The following ADAMTS16 variants were observed in gnomAD, a reference collection of about 807,000 sequenced individuals.
ADAMTS16 encodes A disintegrin and metalloproteinase with thrombospondin motifs 16.
A neutral mutation model predicts 145.8 loss-of-function variants in ADAMTS16; 94 were observed. That is an observed-to-expected ratio of 0.64 (90% CI 0.55 to 0.77). The LOEUF is 0.77. ADAMTS16 is among the 30% of genes least tolerant of loss of function. The probability of loss-of-function intolerance (pLI) is 0.00; values close to 1 mark genes in which losing one functional copy is unlikely to be tolerated. For missense variants in ADAMTS16, 1,585 were observed against 1,591.5 expected, an observed-to-expected ratio of 1.00 and a Z score of 0.07; for synonymous variants, 659 against 604.3, an observed-to-expected ratio of 1.09 and a Z score of -1.33.
chr5:5,273,343 GA>G, intron 18 of ADAMTS16, among the ~76,000 whole-genome samples: 1 of 152,200 alleles, frequency 6.6e-6, no homozygotes, highest in Non-Finnish European at 1.5e-5. Flanking sequence ...GCAACATGGT[GA>G]AACTTCAGCT....
At chr5:5,229,290 G>A (rs1279216833) in intron 11 of ADAMTS16, among the ~76,000 whole-genome samples, 1 of 122,550 alleles carries the variant, frequency 8.2e-6, no homozygotes, top group Non-Finnish European at 1.6e-5. Flanking sequence ...GGGCGACAGA[G>A]CGAGACTCCG....
In ADAMTS16 at chr5:5,239,727, C is replaced by T; in HGVS notation, c.2325C>T (p.Arg775=). ...TTCCTTCTGGAGCCCGGAGTATCCG[C>T]ATCTATGAAATGAACGTCTCTACCT... ...VTIPSGARSI[R]IYEMNVSTSY... The change falls in exon 16 of 23, where the codon CGC becomes CGT. Residue 775 remains arginine (R), a synonymous_variant. Coordinates refer to ENST00000274181, the MANE Select transcript of ADAMTS16 (RefSeq NM_139056.4). 1 of 1,614,132 alleles carries T rather than the reference C, an allele frequency of 6.2e-7. No homozygotes were observed. The highest frequency in any genetic ancestry group is 8.5e-7 in the Non-Finnish European group (1 of 1,180,014).
At chr5:5,189,513 G>A (rs1445877413) in intron 6 of ADAMTS16, among the ~76,000 whole-genome samples, 1 of 152,132 alleles carries the variant, frequency 6.6e-6, no homozygotes, top group Non-Finnish European at 1.5e-5. Context: ...ATAATAATAA[G>A]TATTAAAAGA....
rs778967933 is a variant in ADAMTS16 at position 5,303,791 on chromosome 5, C to A, written c.3186+25C>A. 27 of 1,607,524 alleles carry A rather than the reference C, an allele frequency of 1.7e-5. No homozygotes were observed. In the East Asian group the frequency reaches 5.4e-4, roughly 32 times the overall value. ...GGTAGGTGCACTGGTCTCGCGGGAG[C>A]GAGGTTGACTAGCTCTCCCCTCGGG... On this transcript the variant is annotated intron_variant, in intron 20 of 22. Coordinates refer to ENST00000274181, the MANE Select transcript of ADAMTS16 (RefSeq NM_139056.4).
At chr5:5,234,611 C>T (rs1737037987) in intron 12 of ADAMTS16, among the ~76,000 whole-genome samples, 1 of 152,188 alleles carries the variant, frequency 6.6e-6, no homozygotes, top group Non-Finnish European at 1.5e-5. Flanking sequence ...GTGGCTTCTA[C>T]CTGTAATCCC....
chr5:5,238,377 C>T (rs1037070640), intron 14 of ADAMTS16, among the ~76,000 whole-genome samples: 2 of 152,152 alleles, frequency 1.3e-5, no homozygotes, highest in African/African-American at 4.8e-5. Flanking sequence ...ACTATAGAAA[C>T]ATTAATTAGT....
intron 4 of ADAMTS16, among the ~76,000 whole-genome samples, chr5:5,182,794 A>G (rs1735378035): frequency 6.6e-6 from 1 of 152,128 alleles, no homozygotes; most frequent in South Asian, 2.1e-4. Flanking sequence ...TTTTTTTGTC[A>G]TGAACATTTA....
chr5:5,251,410 T>C (rs1413113462), intron 17 of ADAMTS16, among the ~76,000 whole-genome samples: 3 of 152,206 alleles, frequency 2.0e-5, no homozygotes, highest in Non-Finnish European at 2.9e-5. Flanking sequence ...ATTCCTACTT[T>C]CAACAGACTA....
chr5:5,290,646 A>G (rs1446766705), intron 18 of ADAMTS16, among the ~76,000 whole-genome samples: 1 of 152,134 alleles, frequency 6.6e-6, no homozygotes, highest in African/African-American at 2.4e-5. Flanking sequence ...GCGAAACTCC[A>G]TCTCAAAGAA....
At chr5:5,198,454 G>A (rs16875033) in intron 8 of ADAMTS16, among the ~76,000 whole-genome samples, 27,609 of 151,966 alleles carry the variant, frequency 0.18, 2,982 homozygotes, top group African/African-American at 0.3. Flanking sequence ...CTTGGATACC[G>A]CCTTCAATCA....
chr5:5,306,803 T>C, intron 21 of ADAMTS16, 75 bp downstream of exon 21: 2 of 1,388,224 alleles, frequency 1.4e-6, no homozygotes, highest in Non-Finnish European at 1.9e-6. Context: ...CTCCCGGGGA[T>C]GCTTCTGCGA....
chr5:5,168,173 T>A (rs1046199265), intron 3 of ADAMTS16, among the ~76,000 whole-genome samples: 2 of 152,060 alleles, frequency 1.3e-5, no homozygotes, highest in African/African-American at 4.8e-5. Context: ...CCAAGAAAAG[T>A]TCCATCACTT....
At chr5:5,304,812 C>G (rs569194612) in intron 20 of ADAMTS16, among the ~76,000 whole-genome samples, 1 of 152,024 alleles carries the variant, frequency 6.6e-6, no homozygotes, top group African/African-American at 2.4e-5. Context: ...CAGAACTGAA[C>G]GCACTGTCAT....
chr5:5,167,216 C>A (rs1470884728), intron 3 of ADAMTS16, among the ~76,000 whole-genome samples: 1 of 152,104 alleles, frequency 6.6e-6, no homozygotes, highest in Middle Eastern at 3.2e-3. Context: ...ATAGTTTATC[C>A]ATTGTTGTGT....
At chr5:5,171,417 A>G (rs10454945) in intron 3 of ADAMTS16, among the ~76,000 whole-genome samples, 32,656 of 152,008 alleles carry the variant, frequency 0.21, 3,608 homozygotes, top group Middle Eastern at 0.27. Context: ...TCTGCTGTAT[A>G]TGGCTTTTAT....
At chr5:5,277,716 C>G (rs1310070165) in intron 18 of ADAMTS16, among the ~76,000 whole-genome samples, 1 of 152,194 alleles carries the variant, frequency 6.6e-6, no homozygotes, top group Non-Finnish European at 1.5e-5. Context: ...CGGCTCACCC[C>G]TGTAATTCTA....
chr5:5,170,123 G>A (rs1436080460), intron 3 of ADAMTS16, among the ~76,000 whole-genome samples: 1 of 152,072 alleles, frequency 6.6e-6, no homozygotes, highest in Non-Finnish European at 1.5e-5. Flanking sequence ...AGGAATCTCC[G>A]AATTGTTCTA....
chr5:5,318,244 C>G lies in ADAMTS16; in HGVS notation c.3522C>G (p.Ala1174=). 1 of 1,557,466 alleles carries G rather than the reference C, an allele frequency of 6.4e-7. No individual in the cohort carries two copies. Among genetic ancestry groups the G allele is most frequent in the South Asian group, 1.2e-5 (1 of 83,564 alleles). The change falls in exon 22 of 23, where the codon GCC becomes GCG. Residue 1174 remains alanine (A), a synonymous_variant. Transcript: ENST00000274181. ...ACCAGAAGCCTTCGGCCTCCCTGGCCTGCAACACTCACTTCTGCCCCATTG... is the reference window on the plus strand; with the variant it reads ...ACCAGAAGCCTTCGGCCTCCCTGGCGTGCAACACTCACTTCTGCCCCATTG... ...LLHQKPSASL[A]CNTHFCPIAE...
chr5:5,266,985 T>C (rs1738261862), intron 18 of ADAMTS16, among the ~76,000 whole-genome samples: 1 of 152,232 alleles, frequency 6.6e-6, no homozygotes, highest in African/African-American at 2.4e-5. Context: ...TCACCTCTTG[T>C]ATTCACTTAG....
Sources: gnomAD v4.1 joint callset for allele counts (sites outside exome capture counted in the v4.1 genomes callset) on GRCh38, gnomAD v4.1.1 for gene constraint, MANE v1.5 for transcripts, NCBI Gene and HGNC (gene_info 2026-07-23, HGNC 2026-07-21) for gene names.